The following NETO1 variants were observed in gnomAD, a reference collection of about 807,000 sequenced individuals.
NETO1 encodes the protein neuropilin and tolloid-like protein 1.
In NETO1, 26 loss-of-function variants were observed where a neutral mutation model predicts 61.3. That is an observed-to-expected ratio of 0.42 (90% confidence interval 0.31 to 0.59). The LOEUF (loss-of-function observed/expected upper bound fraction) is 0.59. Among genes scored for constraint, NETO1 ranks in the 20% least tolerant of loss-of-function variants. The pLI, the probability that NETO1 is intolerant of heterozygous loss-of-function variation, is 0.12. For missense variants in NETO1, 531 were observed against 662.8 expected (o/e 0.80, Z 2.18); for synonymous variants, 225 against 225.8 (o/e 1.00, Z 0.03).
intron 4 of NETO1, among the ~76,000 whole-genome samples, chr18:72,806,467 T>C (rs1454353356): frequency 6.6e-6 from 1 of 152,192 alleles, no homozygotes; most frequent in Non-Finnish European, 1.5e-5. Context: ...CTCCTATACA[T>C]AGTAGTTGGC....
intron 4 of NETO1, among the ~76,000 whole-genome samples, chr18:72,849,108 C>T (rs1382339778): frequency 6.6e-6 from 1 of 152,156 alleles, no homozygotes; most frequent in African/African-American, 2.4e-5. Context: ...AGGGGATCAG[C>T]AAAAAGTTGT....
chr18:72,819,367 A>G (rs937507485), intron 4 of NETO1, among the ~76,000 whole-genome samples: 6 of 152,224 alleles, frequency 3.9e-5, no homozygotes, highest in Non-Finnish European at 8.8e-5. Context: ...GTTACAAAAA[A>G]GGATGGGCTT....
At chr18:72,795,304 T>C (rs2072273303) in intron 4 of NETO1, among the ~76,000 whole-genome samples, 1 of 152,188 alleles carries the variant, frequency 6.6e-6, no homozygotes, top group South Asian at 2.1e-4. Flanking sequence ...TTTTTCTGGC[T>C]CTCATTGCAG....
chr18:72,865,793 C>T (rs58167271), intron 1 of NETO1: 8 of 1,137,866 alleles, frequency 7.0e-6, no homozygotes, highest in Non-Finnish European at 8.3e-6. Flanking sequence ...GCATTAAGCA[C>T]CATTATTGGA....
At chr18:72,855,661 G>A (rs1043772037) in intron 4 of NETO1, among the ~76,000 whole-genome samples, 3 of 152,144 alleles carry the variant, frequency 2.0e-5, no homozygotes, top group Non-Finnish European at 2.9e-5. Flanking sequence ...ATTATTTTAA[G>A]TTCAGTAGGA....
At chr18:72,762,100 A>G (rs1424031526) in intron 7 of NETO1, among the ~76,000 whole-genome samples, 5 of 152,224 alleles carry the variant, frequency 3.3e-5, no homozygotes, top group Admixed American at 2.0e-4. Flanking sequence ...CTTAATTCTT[A>G]AAAGAACATA....
chr18:72,782,330 G>A (rs1345436381), intron 7 of NETO1, among the ~76,000 whole-genome samples: 1 of 152,162 alleles, frequency 6.6e-6, no homozygotes, highest in African/African-American at 2.4e-5. Context: ...ACACATGCAT[G>A]TGTCTTTATG....
In NETO1 at chr18:72,829,799, C is replaced by T. The variant is rs75029323; in HGVS notation, c.469+29027G>A. Among the ~76,000 whole-genome samples the T allele has an allele frequency of 3.3e-3, 496 of 152,212 alleles. 2 individuals are homozygous for T. Among genetic ancestry groups the T allele is most frequent in the Admixed American group, 6.5e-3 (99 of 15,290 alleles). On this transcript the variant is annotated intron_variant, in intron 4 of 10. Transcript: ENST00000327305. Reference sequence around the variant, plus strand: ...ACGCTGGTGCTCTAAGCTGGGTGTGCGAGACAGAGCTGCTCTTGCTTTCCT... The same window carrying T: ...ACGCTGGTGCTCTAAGCTGGGTGTGTGAGACAGAGCTGCTCTTGCTTTCCT...
chr18:72,775,168 G>A (rs1276138074), intron 7 of NETO1, among the ~76,000 whole-genome samples: 1 of 152,142 alleles, frequency 6.6e-6, no homozygotes, highest in Non-Finnish European at 1.5e-5. Context: ...AGCTGCAGAG[G>A]TGGTACTTCT....
chr18:72,785,281 A>C (rs1054462044), intron 6 of NETO1, among the ~76,000 whole-genome samples: 3 of 152,096 alleles, frequency 2.0e-5, no homozygotes, highest in Non-Finnish European at 4.4e-5. Context: ...AAATATTATA[A>C]TCTCACTATT....
chr18:72,810,172 A>G (rs2145199011), intron 4 of NETO1, among the ~76,000 whole-genome samples: 1 of 152,350 alleles, frequency 6.6e-6, no homozygotes, highest in South Asian at 2.1e-4. Flanking sequence ...GACTAAGTAC[A>G]TGATTACCAA....
chr18:72,770,532 T>C (rs2071320025), intron 7 of NETO1, among the ~76,000 whole-genome samples: 1 of 152,138 alleles, frequency 6.6e-6, no homozygotes, highest in Admixed American at 6.5e-5. Flanking sequence ...CTGCACCATC[T>C]GGTATTTATG....
At chr18:72,836,001 G>A (rs951337605) in intron 4 of NETO1, among the ~76,000 whole-genome samples, 2 of 152,154 alleles carry the variant, frequency 1.3e-5, no homozygotes, top group African/African-American at 2.4e-5. Flanking sequence ...TGGCCTTGAC[G>A]TAGGAAGAGG....
chr18:72,837,031 T>C (rs912404292), intron 4 of NETO1, among the ~76,000 whole-genome samples: 1 of 152,158 alleles, frequency 6.6e-6, no homozygotes, highest in Admixed American at 6.5e-5. Context: ...AAGTCAAATA[T>C]GTCTCGTGTG....
At chr18:72,774,190 A>C (rs1356049559) in intron 7 of NETO1, among the ~76,000 whole-genome samples, 1 of 152,184 alleles carries the variant, frequency 6.6e-6, no homozygotes, top group Non-Finnish European at 1.5e-5. Flanking sequence ...AAAGAAGAGC[A>C]GAAGAGCAGC....
At chr18:72,839,476 T>C (rs1281863293) in intron 4 of NETO1, among the ~76,000 whole-genome samples, 1 of 152,196 alleles carries the variant, frequency 6.6e-6, no homozygotes, top group East Asian at 1.9e-4. Flanking sequence ...CACTCTTGGA[T>C]GACAGAAAGT....
chr18:72,773,772 CT>C (rs1333119353), intron 7 of NETO1, among the ~76,000 whole-genome samples: 1 of 152,124 alleles, frequency 6.6e-6, no homozygotes, highest in Admixed American at 6.5e-5. Flanking sequence ...AATTTAACCT[CT>C]TTTCTTGATA....
chr18:72,857,863 T>C (rs2074452829), intron 4 of NETO1, among the ~76,000 whole-genome samples: 2 of 152,186 alleles, frequency 1.3e-5, no homozygotes, highest in South Asian at 2.1e-4. Flanking sequence ...TACCCCATGA[T>C]GTCATAATGA....
chr18:72,827,093 T>TTTG (rs1161051909), intron 4 of NETO1, among the ~76,000 whole-genome samples: 1 of 151,348 alleles, frequency 6.6e-6, no homozygotes, highest in African/African-American at 2.4e-5. Flanking sequence ...ATGCTTTCTT[T>TTTG]TTTTTTTTTT....
Sources: allele counts gnomAD v4.1 joint callset (sites outside exome capture counted in the v4.1 genomes callset), GRCh38; gene constraint gnomAD v4.1.1; transcripts MANE v1.5; gene names NCBI Gene and HGNC (gene_info 2026-07-23, HGNC 2026-07-21).